GOLM1: variants seen among roughly 807,000 people sequenced by gnomAD.
The protein encoded by GOLM1 is golgi membrane protein 1.
Under a neutral mutation model 50.5 loss-of-function variants are expected in GOLM1, and 31 were observed. The ratio of observed to expected loss-of-function variants is 0.61; its 90% confidence interval spans 0.46 to 0.83. The LOEUF is 0.83. Ranked by LOEUF, GOLM1 falls within the 40% of genes least tolerant of loss-of-function variation. The pLI is 0.00. For missense variants in GOLM1, 491 were observed against 501.3 expected (o/e 0.98, Z 0.20); for synonymous variants, 178 against 192.8 (o/e 0.92, Z 0.64).
Position 86,080,431 on chromosome 9 carries a change from G to C in GOLM1, c.-21-1090C>G, listed in dbSNP as rs1219524171. Among the ~76,000 whole-genome samples, 5 of 152,176 alleles carry C rather than the reference G, an allele frequency of 3.3e-5. No individual in the cohort carries two copies. The East Asian group carries it at 9.6e-4, about 29-fold the overall frequency. On this transcript the variant is annotated intron_variant, in intron 1 of 9. Transcript: ENST00000388712. ...CTGCAACAAACAGCCTTTGAGCACAGAGAGCCTTTTACACCAGGGGTGTCT... is the reference window on the plus strand; with the variant it reads ...CTGCAACAAACAGCCTTTGAGCACACAGAGCCTTTTACACCAGGGGTGTCT...
rs1832803971 is a variant in GOLM1 at position 86,026,914 on chromosome 9, C to CTTTG, written c.*899_*902dup. 1.0e-6 allele frequency: 1 copy of CTTTG among 984,836 alleles called. No homozygotes were observed. Among genetic ancestry groups the CTTTG allele is most frequent in the African/African-American group, 1.7e-5 (1 of 57,318 alleles). The allele number at this position is 984,836 out of a possible 1,614,324, so 61.0% of individuals were successfully genotyped here. On this transcript the variant is annotated 3_prime_UTR_variant, in exon 10 of 10. Coordinates refer to ENST00000388712, the MANE Select transcript of GOLM1 (RefSeq NM_016548.4). Reference sequence around the variant, plus strand: ...GTATATATCCTTCGACATCAATGAACTTTGTTTTCTTTTACTCCAGTAATA... The same window carrying CTTTG: ...GTATATATCCTTCGACATCAATGAACTTTGTTTGTTTTCTTTTACTCCAGTAATA...
chr9:86,055,991 C>A (rs66984512), intron 3 of GOLM1, among the ~76,000 whole-genome samples: 16 of 151,102 alleles, frequency 1.1e-4, no homozygotes, highest in Admixed American at 2.6e-4. Context: ...AAAAACAAAC[C>A]AAAAACACTT....
At chr9:86,030,905 GC>G (rs760182854) in intron 9 of GOLM1, among the ~76,000 whole-genome samples, 3 of 152,160 alleles carry the variant, frequency 2.0e-5, no homozygotes, top group Non-Finnish European at 4.4e-5. Context: ...ATAATGCATT[GC>G]CCAGATGGTA....
chr9:86,094,454 T>C (rs190603048), intron 1 of GOLM1, among the ~76,000 whole-genome samples: 50 of 152,278 alleles, frequency 3.3e-4, no homozygotes, highest in African/African-American at 1.1e-3. Flanking sequence ...TTCCCCAAAA[T>C]GAACACCATC....
chr9:86,093,423 A>T (rs936422395), intron 1 of GOLM1, among the ~76,000 whole-genome samples: 1 of 151,682 alleles, frequency 6.6e-6, no homozygotes, highest in Admixed American at 6.6e-5. Context: ...CCCCAAAATT[A>T]TCTGGGTGTG....
At chr9:86,068,388 T>C (rs552927845) in intron 3 of GOLM1, among the ~76,000 whole-genome samples, 1 of 152,280 alleles carries the variant, frequency 6.6e-6, no homozygotes, top group South Asian at 2.1e-4. Context: ...AGGACCCAAA[T>C]ACAAAAGATG....
chr9:86,082,321 C>T (rs932032995), intron 1 of GOLM1, among the ~76,000 whole-genome samples: 1 of 151,214 alleles, frequency 6.6e-6, no homozygotes, highest in Non-Finnish European at 1.5e-5. Context: ...CCACCGTGCC[C>T]AGCCTGACAC....
At chr9:86,053,358 CGT>C (rs1201964128) in intron 3 of GOLM1, among the ~76,000 whole-genome samples, 7 of 134,974 alleles carry the variant, frequency 5.2e-5, no homozygotes, top group Non-Finnish European at 6.5e-5. Flanking sequence ...CTCCACACCA[CGT>C]ACCACTCCAC....
At position 86,036,342 on chromosome 9, in the gene GOLM1, G is replaced by A; in HGVS notation, c.757+6C>T. On this transcript the variant is annotated splice_donor_region_variant and intron_variant, in intron 7 of 9. Transcript: ENST00000388712. ...GGGAACAGGGCAACTGCTGGGCTCT[G>A]CTTACCTTTCTCAACTTGTCTCTTT... 1 of 1,614,140 alleles carries A rather than the reference G, an allele frequency of 6.2e-7. No individual in the cohort carries two copies. Among genetic ancestry groups the A allele is most frequent in the East Asian group, 2.2e-5 (1 of 44,880 alleles).
At chr9:86,039,346 C>T (rs1833254253) in intron 6 of GOLM1, among the ~76,000 whole-genome samples, 1 of 152,190 alleles carries the variant, frequency 6.6e-6, no homozygotes, top group Non-Finnish European at 1.5e-5. Context: ...TCATAAACTA[C>T]TGGTGGCAGT....
Position 86,035,424 on chromosome 9 carries a change from C to A in GOLM1, c.959G>T (p.Arg320Leu). 6.2e-7 allele frequency: 1 copy of A among 1,613,990 alleles called. No individual in the cohort carries two copies. Among genetic ancestry groups the A allele is most frequent in the Non-Finnish European group, 8.5e-7 (1 of 1,180,022 alleles). Residue 320 changes from arginine to leucine, a missense_variant, in exon 8 of 10, where the codon CGA becomes CTA. Transcript: ENST00000388712. ...QENPEMEGPE[R>L]DQLVIPDGQE... ...TCCGTCGGGGATGACAAGCTGGTCT[C>A]GCTCAGGGCCCTCCATCTCTGGATT...
upstream of GOLM1, chr9:86,099,653 G>A (rs1212300674): frequency 2.0e-5 from 3 of 149,896 alleles, no homozygotes; most frequent in Admixed American, 2.0e-4. Flanking sequence ...GGCAGGGGCT[G>A]CCGGGGCCGC....
chr9:86,062,731 G>A (rs555314599), intron 3 of GOLM1, among the ~76,000 whole-genome samples: 4 of 151,696 alleles, frequency 2.6e-5, no homozygotes, highest in Non-Finnish European at 4.4e-5. Flanking sequence ...AAGCAAACGG[G>A]GGGGGCTGCC....
intron 1 of GOLM1, among the ~76,000 whole-genome samples, chr9:86,098,179 T>C (rs1293827152): frequency 6.6e-6 from 1 of 152,244 alleles, no homozygotes; most frequent in Non-Finnish European, 1.5e-5. Flanking sequence ...TTTTGTTCAC[T>C]GACACCTTAA....
At chr9:86,054,833 CACAG>C (rs1470311392) in intron 3 of GOLM1, among the ~76,000 whole-genome samples, 2 of 152,206 alleles carry the variant, frequency 1.3e-5, no homozygotes, top group African/African-American at 4.8e-5. Flanking sequence ...AATGCCATCT[CACAG>C]ACAGACACAT....
At chr9:86,030,733 C>T (rs990301748) in intron 9 of GOLM1, among the ~76,000 whole-genome samples, 1 of 152,154 alleles carries the variant, frequency 6.6e-6, no homozygotes, top group Non-Finnish European at 1.5e-5. Context: ...ATTGTATAAA[C>T]ATTAATTTCC....
At chr9:86,054,814 G>A (rs1336040769) in intron 3 of GOLM1, among the ~76,000 whole-genome samples, 1 of 152,168 alleles carries the variant, frequency 6.6e-6, no homozygotes, top group African/African-American at 2.4e-5. Flanking sequence ...AGAGTGCACT[G>A]CACAGGTAAA....
rs753966417 is a variant in GOLM1 at position 86,036,397 on chromosome 9, T to C, written c.708A>G (p.Pro236=). ...NVLGNSKSQT[P]APSSEVVLDS... Reference sequence around the variant, plus strand: ...CCAAAACCACTTCGGAACTGGGGGCTGGTGTCTGGGACTTGCTGTTACCAA... The same window carrying C: ...CCAAAACCACTTCGGAACTGGGGGCCGGTGTCTGGGACTTGCTGTTACCAA... The change falls in exon 7 of 10, where the codon CCA becomes CCG. Residue 236 remains proline, a synonymous_variant. Coordinates refer to ENST00000388712, the MANE Select transcript of GOLM1 (RefSeq NM_016548.4). 1 of 1,614,200 alleles carries C rather than the reference T, an allele frequency of 6.2e-7. No homozygotes were observed. The highest frequency in any genetic ancestry group is 8.5e-7 in the Non-Finnish European group (1 of 1,180,032).
intron 3 of GOLM1, among the ~76,000 whole-genome samples, chr9:86,073,418 A>G (rs943029187): frequency 2.0e-5 from 3 of 152,226 alleles, no homozygotes; most frequent in African/African-American, 7.2e-5. Context: ...AACAACTTCC[A>G]TAACAAATAA....
Sources: allele counts gnomAD v4.1 joint callset (sites outside exome capture counted in the v4.1 genomes callset), GRCh38; gene constraint gnomAD v4.1.1; transcripts MANE v1.5; gene names NCBI Gene and HGNC (gene_info 2026-07-23, HGNC 2026-07-21).